The following GRIK3 variants were observed in gnomAD, a reference collection of about 807,000 sequenced individuals.
The protein encoded by GRIK3 is glutamate ionotropic receptor kainate type subunit 3, also known as glutamate receptor ionotropic, kainate 3.
In GRIK3, 29 loss-of-function variants were observed where a neutral mutation model predicts 102.5. The ratio of observed to expected loss-of-function variants is 0.28; its 90% CI spans 0.21 to 0.39. GRIK3 has a LOEUF of 0.39. Ranked by LOEUF, GRIK3 falls within the 10% of genes least tolerant of loss-of-function variation. The pLI is 1.00. For missense variants in GRIK3, 908 were observed against 1,252.4 expected (o/e 0.73, Z 4.15); for synonymous variants, 511 against 504.9 (o/e 1.01, Z -0.16).
At chr1:36,958,717 C>G (rs546576161) in intron 1 of GRIK3, among the ~76,000 whole-genome samples, 2 of 128,716 alleles carry the variant, frequency 1.6e-5, no homozygotes, top group Non-Finnish European at 3.4e-5. Flanking sequence ...CCCCATGACT[C>G]TGTGCCCCGT....
At chr1:36,925,296 A>G (rs1052471343) in intron 1 of GRIK3, among the ~76,000 whole-genome samples, 3 of 152,230 alleles carry the variant, frequency 2.0e-5, no homozygotes, top group African/African-American at 7.2e-5. Flanking sequence ...CACACATTGC[A>G]CAACCAAACC....
intron 1 of GRIK3, among the ~76,000 whole-genome samples, chr1:36,910,086 C>T (rs1197405148): frequency 6.6e-6 from 1 of 152,134 alleles, no homozygotes; most frequent in Non-Finnish European, 1.5e-5. Flanking sequence ...TTTTTCCTTT[C>T]TCTTCAATAA....
intron 1 of GRIK3, among the ~76,000 whole-genome samples, chr1:36,955,477 C>A (rs948343253): frequency 2.6e-5 from 4 of 152,188 alleles, no homozygotes; most frequent in Non-Finnish European, 5.9e-5. Context: ...CTCTGGGAGG[C>A]CCCGCACATC....
intron 1 of GRIK3, among the ~76,000 whole-genome samples, chr1:36,982,959 C>T (rs1016389626): frequency 6.6e-6 from 1 of 152,194 alleles, no homozygotes; most frequent in South Asian, 2.1e-4. Flanking sequence ...CAATTAAAAC[C>T]CGGCTGTCTC....
intron 1 of GRIK3, among the ~76,000 whole-genome samples, chr1:36,976,450 C>T (rs908925898): frequency 6.6e-6 from 1 of 152,172 alleles, no homozygotes; most frequent in African/African-American, 2.4e-5. Flanking sequence ...ATGCTCCTGG[C>T]TCTGGGGAAT....
chr1:36,986,465 CCCATCCATCCATCCAT>C (rs774258723), intron 1 of GRIK3, among the ~76,000 whole-genome samples: 4 of 115,258 alleles, frequency 3.5e-5, no homozygotes, highest in South Asian at 6.4e-4. Context: ...CATCCATCAG[CCCATCCATCCATCCAT>C]CCATCCATCC....
At chr1:36,975,288 GTT>G (rs61125066) in intron 1 of GRIK3, among the ~76,000 whole-genome samples, 6 of 113,336 alleles carry the variant, frequency 5.3e-5, no homozygotes, top group Admixed American at 2.7e-4. Context: ...TCTAAAGTTG[GTT>G]TTTTTTTTTT....
chr1:36,989,393 G>A (rs2123998820), intron 1 of GRIK3, among the ~76,000 whole-genome samples: 1 of 152,334 alleles, frequency 6.6e-6, no homozygotes, highest in South Asian at 2.1e-4. Context: ...AGGAGGAGGA[G>A]GAGTTCTGTC....
chr1:36,935,332 C>T (rs928356946), intron 1 of GRIK3, among the ~76,000 whole-genome samples: 30 of 152,248 alleles, frequency 2.0e-4, no homozygotes, highest in African/African-American at 7.0e-4. Context: ...ATCCTGGGTA[C>T]CCATATACCC....
At chr1:37,014,700 G>T (rs986372311) in intron 1 of GRIK3, among the ~76,000 whole-genome samples, 1 of 152,146 alleles carries the variant, frequency 6.6e-6, no homozygotes, top group African/African-American at 2.4e-5. Context: ...CACAGGTTGG[G>T]GTTAGAGAAC....
Position 36,880,903 on chromosome 1 carries a change from G to T in GRIK3, c.293-12C>A, listed in dbSNP as rs773663757. The T allele has an allele frequency of 1.9e-6, 3 of 1,593,698 alleles. No individual in the cohort carries two copies. The highest frequency in any genetic ancestry group is 2.6e-6 in the Non-Finnish European group (3 of 1,169,620). On this transcript the variant is annotated splice_polypyrimidine_tract_variant and intron_variant, in intron 2 of 15. Transcript: ENST00000373091. The surrounding 1 kb of genome is among the most constrained non-coding windows in gnomAD (Gnocchi z 5.4). ...CAGCTGGTCACAGGCTGCAACAGAGGGTAGGGCAGCACAGGGGTCAGCACT... is the reference window on the plus strand; with the variant it reads ...CAGCTGGTCACAGGCTGCAACAGAGTGTAGGGCAGCACAGGGGTCAGCACT...
At chr1:36,883,588 A>T (rs1401853527) in intron 2 of GRIK3, among the ~76,000 whole-genome samples, 2 of 152,176 alleles carry the variant, frequency 1.3e-5, no homozygotes, top group Non-Finnish European at 2.9e-5. Flanking sequence ...TGGGCAGGAA[A>T]TTCAGGGTTC....
chr1:36,815,662 TCACTTTGGAA>T (rs1254494536), intron 13 of GRIK3, among the ~76,000 whole-genome samples: 6 of 152,298 alleles, frequency 3.9e-5, no homozygotes, highest in African/African-American at 1.4e-4. Context: ...AGCTGCAGCG[TCACTTTGGAA>T]CTTTTTAGAA....
At chr1:36,966,194 G>T (rs1180048985) in intron 1 of GRIK3, among the ~76,000 whole-genome samples, 1 of 152,216 alleles carries the variant, frequency 6.6e-6, no homozygotes, top group Admixed American at 6.5e-5. Flanking sequence ...GTTATCCTGA[G>T]GGTTTGCCCC....
intron 1 of GRIK3, among the ~76,000 whole-genome samples, chr1:36,925,925 T>C (rs551045249): frequency 6.6e-6 from 1 of 152,302 alleles, no homozygotes; most frequent in East Asian, 1.9e-4. Context: ...TGCTCTTCCC[T>C]GAAAGTCATC....
At chr1:36,962,991 A>C (rs1642032178) in intron 1 of GRIK3, among the ~76,000 whole-genome samples, 1 of 152,064 alleles carries the variant, frequency 6.6e-6, no homozygotes, top group Non-Finnish European at 1.5e-5. Flanking sequence ...GGGCAATGCA[A>C]AGGACAGAAA....
At chr1:37,017,582 G>C (rs1211205115) in intron 1 of GRIK3, among the ~76,000 whole-genome samples, 1 of 152,034 alleles carries the variant, frequency 6.6e-6, no homozygotes, top group Admixed American at 6.6e-5. Context: ...ATCTCTTGCC[G>C]CACAGTTGGG....
At chr1:36,892,131 A>G (rs966711877) in intron 1 of GRIK3, among the ~76,000 whole-genome samples, 11 of 151,982 alleles carry the variant, frequency 7.2e-5, no homozygotes, top group Non-Finnish European at 1.2e-4. Context: ...CGGTTCTCCA[A>G]CCTCAGTCTC....
chr1:36,910,714 TCC>T (rs1641335207), intron 1 of GRIK3, among the ~76,000 whole-genome samples: 1 of 152,186 alleles, frequency 6.6e-6, no homozygotes, highest in African/African-American at 2.4e-5. Context: ...GGGATGTGTG[TCC>T]CCCTTCTTGT....
Sources: allele counts gnomAD v4.1 joint callset (sites outside exome capture counted in the v4.1 genomes callset), GRCh38; gene constraint gnomAD v4.1.1; non-coding constraint Gnocchi (gnomAD v3.1); transcripts MANE v1.5; gene names NCBI Gene and HGNC (gene_info 2026-07-23, HGNC 2026-07-21).